Variants in LIMCH1 observed in about 807,000 individuals in gnomAD.
LIMCH1 encodes LIM and calponin homology domains-containing protein 1.
In LIMCH1, 113 loss-of-function variants were observed where a neutral mutation model predicts 176.5. The ratio of observed to expected loss-of-function variants is 0.64; its 90% confidence interval spans 0.55 to 0.75. The LOEUF is 0.75. Ranked by LOEUF, LIMCH1 falls within the 30% of genes least tolerant of loss-of-function variation. LIMCH1 has a pLI of 0.00. For synonymous variants in LIMCH1, 619 were observed against 645.9 expected, an observed-to-expected ratio of 0.96 and a Z score of 0.63; for missense variants, 1,674 against 1,814.9, an observed-to-expected ratio of 0.92 and a Z score of 1.41.
At position 41,633,803 on chromosome 4, in the gene LIMCH1, T is replaced by A; in HGVS notation, c.2085T>A (p.Asp695Glu). The A allele has an allele frequency of 6.5e-7, 1 of 1,535,782 alleles. No individual in the cohort carries two copies. Among genetic ancestry groups the A allele is most frequent in the Non-Finnish European group, 8.7e-7 (1 of 1,146,576 alleles). The change falls in exon 13 of 32, where the codon GAT (aspartate) becomes GAA (glutamate). Residue 695 changes from aspartate to glutamate, a missense_variant. Asp to Glu is a conservative substitution (Grantham distance 45). Transcript: ENST00000503057. Reference sequence around the variant, plus strand: ...CTTCTAAAGGTCTACCCATGAAAGATCAGAGGTCAGAAAGTTATTCTGTGC... The same window carrying A: ...CTTCTAAAGGTCTACCCATGAAAGAACAGAGGTCAGAAAGTTATTCTGTGC... The part of the protein sequence containing the change: ...EESSKGLPMK[D>E]QRYGPRTPVS...
intron 7 of LIMCH1, among the ~76,000 whole-genome samples, chr4:41,621,145 T>G (rs921709748): frequency 2.6e-5 from 4 of 152,230 alleles, no homozygotes; most frequent in Admixed American, 2.0e-4. Flanking sequence ...ATCCACTTAC[T>G]TTCTTTGTCC....
intron 1 of LIMCH1, among the ~76,000 whole-genome samples, chr4:41,404,088 C>CA (rs764830462): frequency 7.9e-5 from 12 of 152,134 alleles, no homozygotes; most frequent in Non-Finnish European, 1.5e-4. Flanking sequence ...GATTATGTGT[C>CA]AGTTACAAAT....
intron 1 of LIMCH1, among the ~76,000 whole-genome samples, chr4:41,484,921 T>C (rs2069250651): frequency 6.6e-6 from 1 of 152,196 alleles, no homozygotes; most frequent in Non-Finnish European, 1.5e-5. Context: ...TTAATGAAAA[T>C]ATTTCTAAAA....
At chr4:41,538,073 T>C (rs1477292540), upstream of LIMCH1, 1 of 712,012 alleles carries the variant, frequency 1.4e-6, no homozygotes, top group Non-Finnish European at 1.7e-6. Context: ...TGCCATTCCT[T>C]TTCCTCAGAG....
chr4:41,659,839 C>T (rs1192610548), intron 18 of LIMCH1, among the ~76,000 whole-genome samples: 1 of 151,984 alleles, frequency 6.6e-6, no homozygotes, highest in African/African-American at 2.4e-5. Flanking sequence ...TTTATTTTTA[C>T]TAAGTAAATA....
chr4:41,478,547 C>T (rs944032083), intron 1 of LIMCH1, among the ~76,000 whole-genome samples: 2 of 152,210 alleles, frequency 1.3e-5, no homozygotes, highest in African/African-American at 2.4e-5. Context: ...TGGTGACATA[C>T]AACAGTTTTG....
chr4:41,483,020 G>T (rs961472143), intron 1 of LIMCH1, among the ~76,000 whole-genome samples: 2 of 152,146 alleles, frequency 1.3e-5, no homozygotes, highest in South Asian at 2.1e-4. Flanking sequence ...GGCTGTGATG[G>T]GAAGGAGAAG....
intron 1 of LIMCH1, among the ~76,000 whole-genome samples, chr4:41,595,766 AG>A (rs1279173240): frequency 3.3e-5 from 5 of 152,214 alleles, no homozygotes; most frequent in Non-Finnish European, 7.3e-5. Context: ...CTTTTAAAAA[AG>A]AATTCATCAA....
intron 21 of LIMCH1, chr4:41,670,707 A>G (rs2094985129): frequency 3.9e-6 from 6 of 1,531,106 alleles, no homozygotes; most frequent in Non-Finnish European, 5.3e-6. Flanking sequence ...CTGTTCTGCC[A>G]TCTGATCTAG....
chr4:41,387,978 T>C (rs1416687781), intron 1 of LIMCH1, among the ~76,000 whole-genome samples: 1 of 152,048 alleles, frequency 6.6e-6, no homozygotes, highest in Non-Finnish European at 1.5e-5. Flanking sequence ...GGTGTGGTGG[T>C]GCATGCCTGT....
intron 13 of LIMCH1, among the ~76,000 whole-genome samples, chr4:41,635,784 G>T (rs1000827064): frequency 1.3e-5 from 2 of 152,216 alleles, no homozygotes; most frequent in African/African-American, 4.8e-5. Context: ...GCTAGTTCAT[G>T]ATATAGAAAT....
rs1036552666 is a variant in LIMCH1, at chr4:41,460,316, A to G, written c.97-34220A>G. Among the ~76,000 whole-genome samples, 4 of 151,920 alleles carry G rather than the reference A, an allele frequency of 2.6e-5. No homozygotes were observed. In the East Asian group the frequency reaches 7.7e-4, roughly 29 times the overall value. ...GTGGCTACCATATTGCATAGCGCAGATGTAGAATATTTTGATCGTTGATCA... is the reference window on the plus strand; with the variant it reads ...GTGGCTACCATATTGCATAGCGCAGGTGTAGAATATTTTGATCGTTGATCA... On this transcript the variant is annotated intron_variant, in intron 1 of 26. Transcript: ENST00000313860.
chr4:41,527,429 T>C (rs2152424558), intron 3 of LIMCH1, among the ~76,000 whole-genome samples: 1 of 152,292 alleles, frequency 6.6e-6, no homozygotes. Context: ...GGTGATGCAC[T>C]AAGAAATCAC....
At chr4:41,683,045 G>T (rs1448784046) in intron 26 of LIMCH1, among the ~76,000 whole-genome samples, 3 of 152,068 alleles carry the variant, frequency 2.0e-5, no homozygotes, top group Non-Finnish European at 4.4e-5. Flanking sequence ...GTCTTCAAAA[G>T]CTGATTCAAA....
At chr4:41,657,656 A>G (rs576435614) in intron 18 of LIMCH1, among the ~76,000 whole-genome samples, 64 of 152,340 alleles carry the variant, frequency 4.2e-4, no homozygotes, top group African/African-American at 1.5e-3. Context: ...CTTTATCTGA[A>G]TATTTTGCTA....
intron 2 of LIMCH1, among the ~76,000 whole-genome samples, chr4:41,502,574 GT>G (rs2073495056): frequency 6.6e-6 from 1 of 152,090 alleles, no homozygotes; most frequent in African/African-American, 2.4e-5. Flanking sequence ...AGCATCTATT[GT>G]TTGACTTTTT....
chr4:41,513,995 G>A lies in LIMCH1; in HGVS notation c.168-10414G>A, dbSNP rs541467037. On this transcript the variant is annotated intron_variant, in intron 2 of 26. Coordinates refer to the LIMCH1 transcript ENST00000313860. ...TACTCCAGCCTGGGTGATAGAGAGA[G>A]ACTCCGTCTTAAAAAAAAAAAAAAA... is the stretch of plus-strand genomic sequence containing the variant. Among the ~76,000 whole-genome samples the A allele has an allele frequency of 2.3e-3, 208 of 92,382 alleles. 1 individual carries two copies. The highest frequency in any genetic ancestry group is 3.5e-3 in the Non-Finnish European group (183 of 52,030). The allele number at this position is 92,382 out of a possible 152,430, so 60.6% of individuals were successfully genotyped here.
At chr4:41,538,381 T>C (rs1047796540) in intron 1 of LIMCH1, 31 bp downstream of exon 1, 7 of 970,670 alleles carry the variant, frequency 7.2e-6, no homozygotes, top group Non-Finnish European at 8.6e-6. Flanking sequence ...AAGAAATACA[T>C]GCTTAGGGGT....
intron 17 of LIMCH1, among the ~76,000 whole-genome samples, chr4:41,649,544 G>T (rs142148266): frequency 1.3e-5 from 2 of 152,182 alleles, no homozygotes; most frequent in African/African-American, 4.8e-5. Flanking sequence ...GGAAGATACT[G>T]TTACTTTAAA....
Sources: gnomAD v4.1 joint callset for allele counts (sites outside exome capture counted in the v4.1 genomes callset) on GRCh38, gnomAD v4.1.1 for gene constraint, MANE v1.5 for transcripts, NCBI Gene and HGNC (gene_info 2026-07-23, HGNC 2026-07-21) for gene names.